Variants in DOCK1 observed in about 807,000 individuals in gnomAD.
The protein encoded by DOCK1 is dedicator of cytokinesis 1.
In DOCK1, 138 loss-of-function variants were observed where a neutral mutation model predicts 262.7. The ratio of observed to expected loss-of-function variants is 0.53; its 90% CI spans 0.46 to 0.61. The LOEUF (loss-of-function observed/expected upper bound fraction) is 0.61. Among genes scored for constraint, DOCK1 ranks in the 20% least tolerant of loss-of-function variants. The pLI is 0.00. For synonymous variants in DOCK1, 866 were observed against 867.4 expected (o/e 1.00, Z 0.03); for missense variants, 1,908 against 2,370.7 (o/e 0.80, Z 4.05).
At chr10:127,379,782 A>G (rs376122705) in intron 35 of DOCK1, among the ~76,000 whole-genome samples, 1 of 152,182 alleles carries the variant, frequency 6.6e-6, no homozygotes, top group Non-Finnish European at 1.5e-5. Flanking sequence ...TCATGTCTTC[A>G]TGTCTTTTTG....
intron 33 of DOCK1, among the ~76,000 whole-genome samples, chr10:127,368,230 G>A (rs1032009842): frequency 1.3e-5 from 2 of 152,184 alleles, no homozygotes; most frequent in African/African-American, 4.8e-5. Flanking sequence ...ACTCACTGCA[G>A]CTCCTCAACA....
chr10:127,356,429 T>C (rs1254951983), intron 32 of DOCK1, among the ~76,000 whole-genome samples: 1 of 152,162 alleles, frequency 6.6e-6, no homozygotes, highest in Non-Finnish European at 1.5e-5. Flanking sequence ...ATATATACGA[T>C]GATCTCAGTA....
At chr10:126,954,596 C>T (rs2036583326) in intron 1 of DOCK1, among the ~76,000 whole-genome samples, 1 of 152,202 alleles carries the variant, frequency 6.6e-6, no homozygotes, top group Non-Finnish European at 1.5e-5. Flanking sequence ...CCATTCCCTC[C>T]TCCTCCCAGC....
intron 23 of DOCK1, among the ~76,000 whole-genome samples, chr10:127,070,250 CTTTTTT>C (rs71032535): frequency 6.5e-5 from 6 of 92,948 alleles, no homozygotes; most frequent in Non-Finnish European, 1.2e-4. Context: ...GAATTTAGCC[CTTTTTT>C]TTTTTTTTTT....
intron 37 of DOCK1, among the ~76,000 whole-genome samples, chr10:127,383,947 G>T (rs1565045314): frequency 6.6e-6 from 1 of 151,948 alleles, no homozygotes; most frequent in Non-Finnish European, 1.5e-5. Flanking sequence ...GAAGGGTCTT[G>T]CTCTGTTGTC....
intron 13 of DOCK1, 23 bp downstream of exon 13, chr10:127,018,858 C>A: frequency 6.2e-7 from 1 of 1,611,870 alleles, no homozygotes; most frequent in Non-Finnish European, 8.5e-7. Context: ...TTGTTCAGGG[C>A]TTCTCAGCAT....
chr10:126,998,100 G>A lies in DOCK1; in HGVS notation c.618G>A (p.Lys206=). The A allele has an allele frequency of 3.7e-6, 6 of 1,614,020 alleles. No individual in the cohort carries two copies. The highest frequency in any genetic ancestry group is 5.1e-6 in the Non-Finnish European group (6 of 1,179,900). Reference sequence around the variant, plus strand: ...TTTCCTTCCATACACAGTCTCAAAAGCAGAACATAGATATTAACAGACAAG... The same window carrying A: ...TTTCCTTCCATACACAGTCTCAAAAACAGAACATAGATATTAACAGACAAG... ...EERLQEEKSQ[K]QNIDINRQAK... Residue 206 remains lysine, a synonymous_variant, in exon 8 of 52, where the codon AAG becomes AAA. Transcript: ENST00000623213.
chr10:127,445,010 A>T (rs951684190), intron 50 of DOCK1, among the ~76,000 whole-genome samples: 3 of 152,064 alleles, frequency 2.0e-5, no homozygotes, highest in African/African-American at 7.2e-5. Flanking sequence ...CTGCAAATCC[A>T]GGATGATCTC....
chr10:126,981,173 C>A (rs2038947039), intron 3 of DOCK1, among the ~76,000 whole-genome samples: 1 of 152,076 alleles, frequency 6.6e-6, no homozygotes, highest in Non-Finnish European at 1.5e-5. Context: ...GTCTTGAACT[C>A]CTGACCTCAG....
chr10:127,439,645 G>A (rs2069949490), intron 49 of DOCK1, among the ~76,000 whole-genome samples: 1 of 152,198 alleles, frequency 6.6e-6, no homozygotes, highest in Non-Finnish European at 1.5e-5. Flanking sequence ...TACGGCCCAA[G>A]TGTTAAAATC....
In DOCK1 at chr10:127,012,155, T is replaced by G; in HGVS notation, c.1059-77T>G. 1.3e-6 allele frequency: 1 copy of G among 762,856 alleles called. No homozygotes were observed. The highest frequency in any genetic ancestry group is 2.3e-6 in the Non-Finnish European group (1 of 430,150). The allele number at this position is 762,856 out of a possible 1,614,324, so 47.3% of individuals were successfully genotyped here. A position where few individuals can be genotyped will look rare whatever the true frequency, so the allele number is the denominator to read the frequency against. On this transcript the variant is annotated intron_variant, in intron 11 of 51. Coordinates refer to ENST00000623213, the MANE Select transcript of DOCK1 (RefSeq NM_001290223.2). This position sits in a 1 kb window ranked among gnomAD's most constrained non-coding sequence, Gnocchi z 4.0. ...CGCACTCGGTGACGATGATCTCTTA[T>G]GTTCCCTTGTTACCGTGGCCCATGG... is the stretch of plus-strand genomic sequence containing the variant.
intron 27 of DOCK1, among the ~76,000 whole-genome samples, chr10:127,245,762 G>GGAT (rs747389635): frequency 4.6e-5 from 7 of 152,160 alleles, no homozygotes; most frequent in Non-Finnish European, 8.8e-5. Flanking sequence ...AGCATTTTGA[G>GGAT]ACCCCCTCAA....
intron 23 of DOCK1, among the ~76,000 whole-genome samples, chr10:127,067,344 C>T (rs1047043235): frequency 2.0e-5 from 3 of 152,296 alleles, no homozygotes; most frequent in Admixed American, 2.0e-4. Context: ...ATATTACTAC[C>T]TTCCCTTAGG....
intron 27 of DOCK1, chr10:127,137,970 C>G (rs1161262868): frequency 6.2e-7 from 1 of 1,613,782 alleles, no homozygotes; most frequent in African/African-American, 1.3e-5. Context: ...GTGGAGTTTT[C>G]TTAGAACCGG....
At chr10:127,225,125 A>G (rs2058588231) in intron 27 of DOCK1, among the ~76,000 whole-genome samples, 1 of 152,210 alleles carries the variant, frequency 6.6e-6, no homozygotes, top group Admixed American at 6.5e-5. Flanking sequence ...TGGAGGTCTT[A>G]TGTTGTTACG....
intron 38 of DOCK1, among the ~76,000 whole-genome samples, chr10:127,387,473 C>T (rs931196640): frequency 6.6e-6 from 1 of 152,196 alleles, no homozygotes; most frequent in South Asian, 2.1e-4. Context: ...CAAGGAATGT[C>T]TCCCTGCAGT....
chr10:127,203,920 CAAAG>C (rs1286597434), intron 27 of DOCK1, among the ~76,000 whole-genome samples: 1 of 147,552 alleles, frequency 6.8e-6, no homozygotes, highest in Admixed American at 6.7e-5. Context: ...TTTTGAGATT[CAAAG>C]AAAGGCAGGG....
intron 16 of DOCK1, among the ~76,000 whole-genome samples, chr10:127,028,973 C>A (rs569701099): frequency 6.6e-6 from 1 of 152,184 alleles, no homozygotes; most frequent in Non-Finnish European, 1.5e-5. Flanking sequence ...ACAGAGGACT[C>A]GTCTCAAAAT....
At chr10:126,976,708 C>T (rs951780983) in intron 2 of DOCK1, among the ~76,000 whole-genome samples, 1 of 151,900 alleles carries the variant, frequency 6.6e-6, no homozygotes, top group African/African-American at 2.4e-5. Flanking sequence ...GTCCTTTGTT[C>T]CTATGGGGCA....
Sources: allele counts gnomAD v4.1 joint callset (sites outside exome capture counted in the v4.1 genomes callset), GRCh38; gene constraint gnomAD v4.1.1; non-coding constraint Gnocchi (gnomAD v3.1); transcripts MANE v1.5; gene names NCBI Gene and HGNC (gene_info 2026-07-23, HGNC 2026-07-21).